ROR2: variants seen among roughly 807,000 people sequenced by gnomAD.
The protein encoded by ROR2 is tyrosine-protein kinase transmembrane receptor ROR2.
A neutral mutation model predicts 74.9 loss-of-function variants in ROR2; 33 were observed. That is an observed-to-expected ratio of 0.44 (90% CI 0.33 to 0.59). The LOEUF is 0.59. Among genes scored for constraint, ROR2 ranks in the 20% least tolerant of loss-of-function variants. The probability of loss-of-function intolerance (pLI) is 0.02; values close to 1 mark genes in which losing one functional copy is unlikely to be tolerated. For missense variants in ROR2, 1,216 were observed against 1,313.8 expected (o/e 0.93, Z 1.15); for synonymous variants, 586 against 558.7 (o/e 1.05, Z -0.69).
At chr9:91,945,255 T>G (rs1222378691) in intron 1 of ROR2, among the ~76,000 whole-genome samples, 2 of 152,210 alleles carry the variant, frequency 1.3e-5, no homozygotes, top group Non-Finnish European at 2.9e-5. Flanking sequence ...TAATTTTAAC[T>G]TATATAGCTG....
At chr9:91,928,338 C>T (rs559729271) in intron 1 of ROR2, among the ~76,000 whole-genome samples, 1 of 152,278 alleles carries the variant, frequency 6.6e-6, no homozygotes, top group South Asian at 2.1e-4. Flanking sequence ...TGAGGCCCTG[C>T]GTGGCATGGC....
At chr9:91,880,411 G>A (rs1055616571) in intron 1 of ROR2, among the ~76,000 whole-genome samples, 3 of 152,198 alleles carry the variant, frequency 2.0e-5, no homozygotes, top group African/African-American at 7.2e-5. Flanking sequence ...AGCATTTGTA[G>A]GTGCATCAGC....
At position 91,753,621 on chromosome 9, in the gene ROR2, G is replaced by A. The variant is rs188365644; in HGVS notation, c.494+2450C>T. ...GGTCTCAGGGCCAGGGAAGGGAGACGCGGTGGCACGAGTGGCTGGGATGAG... is the reference window on the plus strand; with the variant it reads ...GGTCTCAGGGCCAGGGAAGGGAGACACGGTGGCACGAGTGGCTGGGATGAG... On this transcript the variant is annotated intron_variant, in intron 4 of 8. Coordinates refer to ENST00000375708, the MANE Select transcript of ROR2 (RefSeq NM_004560.4). Among the ~76,000 whole-genome samples the A allele has an allele frequency of 1.5e-3, 233 of 152,280 alleles. 1 individual carries two copies. Among genetic ancestry groups the A allele is most frequent in the African/African-American group, 5.1e-3 (210 of 41,548 alleles).
intron 1 of ROR2, among the ~76,000 whole-genome samples, chr9:91,780,211 A>G (rs1826564159): frequency 6.6e-6 from 1 of 152,070 alleles, no homozygotes; most frequent in South Asian, 2.1e-4. Context: ...CCCCGTCTCT[A>G]CTAAAAATAC....
At chr9:91,779,447 T>C (rs1826539725) in intron 1 of ROR2, among the ~76,000 whole-genome samples, 1 of 150,076 alleles carries the variant, frequency 6.7e-6, no homozygotes, top group Non-Finnish European at 1.5e-5. Flanking sequence ...CTCAGCTCAC[T>C]GCAACCTCTG....
chr9:91,904,846 A>G (rs1455461547), intron 1 of ROR2, among the ~76,000 whole-genome samples: 2 of 152,006 alleles, frequency 1.3e-5, no homozygotes, highest in African/African-American at 4.8e-5. Flanking sequence ...ATCACTCATT[A>G]TTGCCTCCAT....
intron 4 of ROR2, among the ~76,000 whole-genome samples, chr9:91,755,121 C>T (rs1825703978): frequency 6.6e-6 from 1 of 152,132 alleles, no homozygotes; most frequent in African/African-American, 2.4e-5. Context: ...TGCCACTGCA[C>T]TCCAGTCTGG....
chr9:91,892,194 TA>T (rs1293455570), intron 1 of ROR2, among the ~76,000 whole-genome samples: 1 of 152,154 alleles, frequency 6.6e-6, no homozygotes, highest in African/African-American at 2.4e-5. Context: ...TCTCCCTTTC[TA>T]AACTCACCGT....
chr9:91,861,292 G>A (rs1467885917), intron 1 of ROR2, among the ~76,000 whole-genome samples: 1 of 152,092 alleles, frequency 6.6e-6, no homozygotes, highest in Admixed American at 6.5e-5. Context: ...AATTCATATG[G>A]AAATGTGAGG....
intron 1 of ROR2, among the ~76,000 whole-genome samples, chr9:91,815,046 A>G (rs1827883833): frequency 6.6e-6 from 1 of 152,210 alleles, no homozygotes; most frequent in African/African-American, 2.4e-5. Context: ...TGTTCAGAAA[A>G]CAGGACACAG....
rs543823459 is a variant in ROR2, at chr9:91,722,677, G to A, written c.*985C>T. On this transcript the variant is annotated 3_prime_UTR_variant, in exon 9 of 9. Coordinates refer to ENST00000375708, the MANE Select transcript of ROR2 (RefSeq NM_004560.4). ...CCAACAATGTGTGCGGGGCACAGAC[G>A]GCTGCCTGTGGGTCTGTGTGTAACA... 206 of 773,090 alleles carry A rather than the reference G, an allele frequency of 2.7e-4. 1 individual carries two copies. The African/African-American group carries it at 3.3e-3, about 12-fold the overall frequency. 47.9% of individuals were successfully genotyped at this position (773,090 alleles called of 1,614,324 possible).
intron 4 of ROR2, among the ~76,000 whole-genome samples, chr9:91,747,373 G>A (rs149638820): frequency 7.4e-4 from 112 of 152,356 alleles, no homozygotes; most frequent in African/African-American, 2.5e-3. Flanking sequence ...GCGCTCACGC[G>A]TGTGGACAGG....
At chr9:91,948,996 G>A in intron 1 of ROR2, 1 of 922,124 alleles carries the variant, frequency 1.1e-6, no homozygotes, top group South Asian at 5.0e-5. Context: ...CCGTTCCTCT[G>A]CGCCCCGGAT....
Position 91,725,004 on chromosome 9 carries a change from G to T in ROR2, c.1490C>A (p.Pro497Gln), listed in dbSNP as rs772631240. ...VYKGHLFGPA[P>Q]GEQTQAVAIK... is the part of the protein sequence containing the mutation. ...GGCCACAGCCTGGGTCTGCTCCCCC[G>T]GGGCAGGGCCGAACAGGTGACCTTT... is the stretch of plus-strand genomic sequence containing the variant. Residue 497 changes from proline (P) to glutamine (Q), a missense_variant, in exon 9 of 9, where the codon CCG becomes CAG. By Grantham distance (76) the Pro-to-Gln change is moderately conservative (BLOSUM62 -1). Transcript: ENST00000375708. 18 of 1,613,770 alleles carry T rather than the reference G, an allele frequency of 1.1e-5. No homozygotes were observed. Among genetic ancestry groups the T allele is most frequent in the Non-Finnish European group, 1.5e-5 (18 of 1,180,024 alleles).
intron 4 of ROR2, among the ~76,000 whole-genome samples, chr9:91,738,434 A>G (rs1825108855): frequency 6.6e-6 from 1 of 152,302 alleles, no homozygotes; most frequent in South Asian, 2.1e-4. Flanking sequence ...GTTTGTGTAT[A>G]CATGCACATA....
chr9:91,781,436 C>G (rs1826616784), intron 1 of ROR2, among the ~76,000 whole-genome samples: 1 of 152,182 alleles, frequency 6.6e-6, no homozygotes, highest in Admixed American at 6.5e-5. Context: ...AGAAAGGCAA[C>G]AGTTAAGGAA....
chr9:91,822,511 A>G (rs989973338), intron 1 of ROR2, among the ~76,000 whole-genome samples: 26 of 152,244 alleles, frequency 1.7e-4, no homozygotes, highest in Non-Finnish European at 1.5e-5. Context: ...TAAAAATATC[A>G]TCAGCCATCA....
intron 1 of ROR2, among the ~76,000 whole-genome samples, chr9:91,815,077 G>T (rs1827885022): frequency 6.6e-6 from 1 of 152,136 alleles, no homozygotes; most frequent in Non-Finnish European, 1.5e-5. Context: ...ACAGCTATAA[G>T]GCAGAACCAG....
intron 1 of ROR2, among the ~76,000 whole-genome samples, chr9:91,945,335 T>C (rs988640954): frequency 6.6e-6 from 1 of 152,248 alleles, no homozygotes; most frequent in Non-Finnish European, 1.5e-5. Flanking sequence ...AAACATTTCC[T>C]TATTTTAACT....
Sources: allele counts gnomAD v4.1 joint callset (sites outside exome capture counted in the v4.1 genomes callset), GRCh38; gene constraint gnomAD v4.1.1; transcripts MANE v1.5; gene names NCBI Gene and HGNC (gene_info 2026-07-23, HGNC 2026-07-21).